Variants in SMARCA2 observed in about 807,000 individuals in gnomAD.
The protein encoded by SMARCA2 is SWI/SNF-related matrix-associated actin-dependent regulator of chromatin subfamily A member 2.
In SMARCA2, 61 loss-of-function variants were observed where a neutral mutation model predicts 199.8. The observed-to-expected ratio is 0.31, with a 90% CI of 0.25 to 0.38. The LOEUF is 0.38. Among genes scored for constraint, SMARCA2 ranks in the 10% least tolerant of loss-of-function variants. The probability of loss-of-function intolerance (pLI) is 1.00; values close to 1 mark genes in which losing one functional copy is unlikely to be tolerated. For synonymous variants in SMARCA2, 935 were observed against 732.0 expected (o/e 1.28, Z -4.48); for missense variants, 1,344 against 2,012.2 (o/e 0.67, Z 6.35).
intron 27 of SMARCA2, among the ~76,000 whole-genome samples, chr9:2,149,835 A>G (rs2130715698): frequency 6.6e-6 from 1 of 151,736 alleles, no homozygotes; most frequent in African/African-American, 2.4e-5. Context: ...CCAAAACTCA[A>G]AATTTTGTTT....
In SMARCA2 at chr9:2,169,468, C is replaced by G. The variant is rs551154652; in HGVS notation, c.4200-951C>G. Among the ~76,000 whole-genome samples, 6 of 152,296 alleles carry G rather than the reference C, an allele frequency of 3.9e-5. No homozygotes were observed. The East Asian group carries it at 1.2e-3, about 29-fold the overall frequency. Reference sequence around the variant, plus strand: ...CAGCTCTCCTTATATTTCAGACATTCCAAAGAATTCTGTGTATTTTGAAGC... The same window carrying G: ...CAGCTCTCCTTATATTTCAGACATTGCAAAGAATTCTGTGTATTTTGAAGC... On this transcript the variant is annotated intron_variant, in intron 28 of 33. Coordinates refer to ENST00000349721, the MANE Select transcript of SMARCA2 (RefSeq NM_003070.5). This position sits in a 1 kb window ranked among gnomAD's most constrained non-coding sequence, Gnocchi z 6.5.
chr9:2,072,392 T>C (rs1449998043), intron 10 of SMARCA2, among the ~76,000 whole-genome samples: 4 of 152,234 alleles, frequency 2.6e-5, no homozygotes, highest in African/African-American at 9.6e-5. Context: ...GTTCCTTGGA[T>C]ATAGTAGTCT....
At chr9:2,021,189 C>T (rs1818585224) in intron 1 of SMARCA2, among the ~76,000 whole-genome samples, 1 of 151,966 alleles carries the variant, frequency 6.6e-6, no homozygotes, top group African/African-American at 2.4e-5. Flanking sequence ...AGAAACTGGC[C>T]TAATTTAAAT....
At chr9:2,122,588 C>A (rs1278845104) in intron 26 of SMARCA2, among the ~76,000 whole-genome samples, 1 of 152,186 alleles carries the variant, frequency 6.6e-6, no homozygotes, top group Non-Finnish European at 1.5e-5. Context: ...AATGTAATGA[C>A]TTCCAAAAAT....
chr9:2,127,426 CAG>C (rs1303215425), intron 27 of SMARCA2, among the ~76,000 whole-genome samples: 2 of 152,158 alleles, frequency 1.3e-5, no homozygotes, highest in African/African-American at 2.4e-5. Context: ...GAAAAATAAA[CAG>C]AAGTTGATTT....
chr9:2,051,443 C>A (rs1820114672), intron 5 of SMARCA2, among the ~76,000 whole-genome samples: 1 of 152,188 alleles, frequency 6.6e-6, no homozygotes, highest in South Asian at 2.1e-4. Flanking sequence ...TGCCCCATCT[C>A]CCCGGGGTTC....
intron 27 of SMARCA2, chr9:2,160,883 G>GAA (rs376111026): frequency 8.5e-4 from 217 of 255,116 alleles, no homozygotes; most frequent in Middle Eastern, 3.6e-3. Context: ...GATTTACCAG[G>GAA]AAAAAAAAAA....
chr9:2,047,207 C>A, intron 4 of SMARCA2, 22 bp from the exon 5 acceptor site: 1 of 1,012,822 alleles, frequency 9.9e-7, no homozygotes, highest in South Asian at 4.6e-5. Context: ...CCCGAGCTGC[C>A]CATGTCGCTC....
chr9:2,175,252 C>G (rs923900917), intron 29 of SMARCA2, among the ~76,000 whole-genome samples: 1 of 152,104 alleles, frequency 6.6e-6, no homozygotes, highest in East Asian at 1.9e-4. Context: ...TTTCCGAAAG[C>G]TGAGTGATAG....
At chr9:2,192,589 C>T (rs568465252) in intron 33 of SMARCA2, 115 bp from the exon 34 acceptor site, 6 of 779,542 alleles carry the variant, frequency 7.7e-6, no homozygotes, top group South Asian at 2.8e-5. Context: ...AGAGATTTGG[C>T]GAGTTGTTTC....
At chr9:2,064,929 A>G (rs900277875) in intron 9 of SMARCA2, among the ~76,000 whole-genome samples, 6 of 152,232 alleles carry the variant, frequency 3.9e-5, no homozygotes, top group Non-Finnish European at 7.3e-5. Flanking sequence ...TCACGCCTGT[A>G]ATCCCAGCAC....
chr9:2,174,634 C>T (rs1563827265), intron 29 of SMARCA2, among the ~76,000 whole-genome samples: 1 of 152,042 alleles, frequency 6.6e-6, no homozygotes, highest in Non-Finnish European at 1.5e-5. Context: ...AATGGGGAAG[C>T]AAAGGCCAGG....
At chr9:2,137,326 T>A (rs1824243050) in intron 27 of SMARCA2, among the ~76,000 whole-genome samples, 1 of 152,238 alleles carries the variant, frequency 6.6e-6, no homozygotes, top group Non-Finnish European at 1.5e-5. Context: ...CATCAGGTTC[T>A]CCAGTGGCCT....
chr9:2,107,291 C>T (rs980759731), intron 23 of SMARCA2, among the ~76,000 whole-genome samples: 5 of 152,014 alleles, frequency 3.3e-5, no homozygotes, highest in African/African-American at 1.2e-4. Context: ...TATAATTTGT[C>T]AAGTTCCCAG....
At chr9:2,083,968 A>G in intron 16 of SMARCA2, 118 bp from the exon 17 acceptor site, 1 of 628,676 alleles carries the variant, frequency 1.6e-6, no homozygotes, top group Non-Finnish European at 2.9e-6. Context: ...AGTCTATGAG[A>G]ATGTGTGTCT....
intron 4 of SMARCA2, 129 bp from the exon 5 acceptor site, chr9:2,047,100 T>G: frequency 1.6e-6 from 1 of 626,012 alleles, no homozygotes; most frequent in Non-Finnish European, 2.0e-6. Context: ...TTTTTTTCCT[T>G]CTCTTCCCTC....
chr9:2,158,743 GTT>G, intron 27 of SMARCA2: 1 of 451,540 alleles, frequency 2.2e-6, no homozygotes, highest in Non-Finnish European at 3.9e-6. Context: ...TAAAAGAACA[GTT>G]TAAAATCTCC....
chr9:2,182,479 T>C (rs1827108356), intron 31 of SMARCA2, among the ~76,000 whole-genome samples: 1 of 10,104 alleles, frequency 9.9e-5, no homozygotes, highest in Non-Finnish European at 1.6e-4. Context: ...GCTTATAGTC[T>C]TTTTTTTTTT....
At position 2,047,497 on chromosome 9, in the gene SMARCA2, G is replaced by A. The variant is rs1046960960; in HGVS notation, c.1046+13G>A. 3 of 1,399,308 alleles carry A rather than the reference G, an allele frequency of 2.1e-6. No individual in the cohort carries two copies. The highest frequency in any genetic ancestry group is 1.9e-4 in the Middle Eastern group (1 of 5,184). The allele number at this position is 1,399,308 out of a possible 1,614,324, so 86.7% of individuals were successfully genotyped here. On this transcript the variant is annotated intron_variant, in intron 5 of 33. Coordinates refer to ENST00000349721, the MANE Select transcript of SMARCA2 (RefSeq NM_003070.5). ...AGCGGGAATACAGGTAACGCACCCC[G>A]CCAGCAAGGGGCCCCCTGCGGTGTG...
Sources: allele counts gnomAD v4.1 joint callset (sites outside exome capture counted in the v4.1 genomes callset), GRCh38; gene constraint gnomAD v4.1.1; non-coding constraint Gnocchi (gnomAD v3.1); transcripts MANE v1.5; gene names NCBI Gene and HGNC (gene_info 2026-07-23, HGNC 2026-07-21).